Variants in CCT2 observed in about 807,000 individuals in gnomAD.
CCT2 encodes T-complex protein 1 subunit beta.
Under a neutral mutation model 61.8 loss-of-function variants are expected in CCT2, and 18 were observed. The ratio of observed to expected loss-of-function variants is 0.29; its 90% confidence interval spans 0.20 to 0.43. The LOEUF (loss-of-function observed/expected upper bound fraction) is 0.43, where lower values mean the gene tolerates loss of function less well. Among genes scored for constraint, CCT2 ranks in the 20% least tolerant of loss-of-function variants. CCT2 has a pLI of 1.00. For missense variants in CCT2, 556 were observed against 656.9 expected (o/e 0.85, Z 1.68); for synonymous variants, 248 against 215.9 (o/e 1.15, Z -1.30).
intron 6 of CCT2, chr12:69,589,132 TGC>T: frequency 8.6e-6 from 2 of 232,096 alleles, no homozygotes; most frequent in South Asian, 5.9e-5. Flanking sequence ...TTCACCATGT[TGC>T]TCAGGCTGGT....
chr12:69,594,837 C>A (rs1240181381), intron 10 of CCT2, among the ~76,000 whole-genome samples: 8 of 137,962 alleles, frequency 5.8e-5, no homozygotes, highest in African/African-American at 1.6e-4. Flanking sequence ...CAGAGCAAGA[C>A]CCTGTCTTTA....
intron 12 of CCT2, 75 bp downstream of exon 12, chr12:69,597,841 T>C: frequency 6.8e-7 from 1 of 1,476,262 alleles, no homozygotes. Flanking sequence ...GTTTTAATGG[T>C]TCTTACAGAA....
At chr12:69,585,617 C>T in intron 1 of CCT2, 93 bp downstream of exon 1, 2 of 1,547,116 alleles carry the variant, frequency 1.3e-6, no homozygotes, top group Non-Finnish European at 1.7e-6. Context: ...GTCGTAGGCT[C>T]CGTTTCTGTC....
chr12:69,596,598 A>G (rs1202082768), intron 10 of CCT2, among the ~76,000 whole-genome samples: 1 of 152,218 alleles, frequency 6.6e-6, no homozygotes. Flanking sequence ...TTTAGGCCTT[A>G]GGACATTTCA....
chr12:69,593,632 G>C lies in CCT2; in HGVS notation c.982+19G>C. On this transcript the variant is annotated intron_variant, in intron 10 of 15. Coordinates refer to ENST00000299300, the MANE Select transcript of CCT2 (RefSeq NM_006431.3). ...GTCACAGGTATGGAAAAAAGGTATT[G>C]TTTTCTAACAAACACAATAGTCACT... The C allele has an allele frequency of 1.4e-6, 2 of 1,437,202 alleles. No individual in the cohort carries two copies. Among genetic ancestry groups the C allele is most frequent in the African/African-American group, 2.8e-5 (2 of 71,318 alleles). 89.0% of individuals were successfully genotyped at this position (1,437,202 alleles called of 1,614,324 possible).
Position 69,598,352 on chromosome 12 carries a change from T to C in CCT2, c.1366T>C (p.Tyr456His), listed in dbSNP as rs1212936881. The C allele has an allele frequency of 6.2e-7, 1 of 1,603,518 alleles. No individual in the cohort carries two copies. The highest frequency in any genetic ancestry group is 1.3e-5 in the African/African-American group (1 of 74,444). ...LPTIIADNAG[Y>H]DSADLVAQLR... ...AACCATCATAGCTGACAATGCAGGC[T>C]ATGACAGTGCAGACCTGGTGGCACA... The change falls in exon 14 of 16, where the codon TAT becomes CAT. Residue 456 changes from tyrosine (Y) to histidine (H), a missense_variant. Transcript: ENST00000299300.
chr12:69,597,263 G>A lies in CCT2; in HGVS notation c.1090G>A (p.Gly364Arg). 1 of 1,613,856 alleles carries A rather than the reference G, an allele frequency of 6.2e-7. No homozygotes were observed. Among genetic ancestry groups the A allele is most frequent in the Non-Finnish European group, 8.5e-7 (1 of 1,179,850 alleles). The change falls in exon 11 of 16, where the codon GGG becomes AGG. Residue 364 changes from glycine (G) to arginine (R), a missense_variant. By Grantham distance (125) the Gly-to-Arg change is moderately radical. Transcript: ENST00000299300. Reference protein sequence around the residue: ...IGEDKLIHFSGVALGEACTIV... With the variant: ...IGEDKLIHFSRVALGEACTIV... ...AGAAGACAAACTCATTCACTTTTCTGGGGTTGCCCTTGGTGAGTGATTATG... is the reference window on the plus strand; with the variant it reads ...AGAAGACAAACTCATTCACTTTTCTAGGGTTGCCCTTGGTGAGTGATTATG...
chr12:69,588,737 A>G (rs778678621), intron 6 of CCT2, among the ~76,000 whole-genome samples: 1 of 152,186 alleles, frequency 6.6e-6, no homozygotes, highest in Admixed American at 6.5e-5. Context: ...TTGGGTCCAA[A>G]GGTAAGTGTG....
chr12:69,587,758 G>C (rs1291380814), intron 4 of CCT2, 142 bp downstream of exon 4: 1 of 733,316 alleles, frequency 1.4e-6, no homozygotes, highest in Admixed American at 2.4e-5. Context: ...TAAAATACAA[G>C]CTTCAGGAGT....
Position 69,585,484 on chromosome 12 carries a change from G to A in CCT2, c.-38G>A. 6.4e-7 allele frequency: 1 copy of A among 1,558,662 alleles called. No homozygotes were observed. The highest frequency in any genetic ancestry group is 2.4e-5 in the East Asian group (1 of 41,734). On this transcript the variant is annotated 5_prime_UTR_variant, in exon 1 of 16. In the 5' UTR this introduces an upstream ATG that the reference lacks. Transcript: ENST00000299300. ...AGTCCGCTGGTCCCGAGCACGAGCTGTGAGGGGATTCACTTGTGTGCGGAA... is the reference window on the plus strand; with the variant it reads ...AGTCCGCTGGTCCCGAGCACGAGCTATGAGGGGATTCACTTGTGTGCGGAA...
At chr12:69,586,082 G>A (rs1345642832) in intron 1 of CCT2, 188 bp from the exon 2 acceptor site, 4 of 1,289,954 alleles carry the variant, frequency 3.1e-6, no homozygotes, top group Non-Finnish European at 3.1e-6. Context: ...AAGCCATGTC[G>A]CTCTCCTACA....
intron 1 of CCT2, chr12:69,585,787 C>A: frequency 7.2e-7 from 1 of 1,380,306 alleles, no homozygotes; most frequent in Admixed American, 3.1e-5. Context: ...GTCCGCGCCT[C>A]ACCCGGAGCG....
chr12:69,600,833 C>G (rs578080685), intron 15 of CCT2, among the ~76,000 whole-genome samples: 1 of 152,340 alleles, frequency 6.6e-6, no homozygotes, highest in East Asian at 1.9e-4. Context: ...TACAAATTTA[C>G]TAGTACCCTT....
chr12:69,594,052 T>C lies in CCT2; in HGVS notation c.982+439T>C, dbSNP rs1881915032. 3.3e-5 allele frequency among the ~76,000 whole-genome samples: 5 copies of C among 151,698 alleles called. No individual in the cohort carries two copies. In the South Asian group the frequency reaches 1.0e-3, roughly 32 times the overall value. On this transcript the variant is annotated intron_variant, in intron 10 of 15. Transcript: ENST00000299300. ...TTGGGGGGAGGCTGAGGGAAGAGAA[T>C]CGCTTGAGCCTGGGAGGCAGAGGTT...
intron 7 of CCT2, among the ~76,000 whole-genome samples, chr12:69,591,674 A>G (rs942714788): frequency 6.6e-6 from 1 of 152,216 alleles, no homozygotes. Context: ...ATATTTTTTA[A>G]GTAACCCATT....
rs777891653 is a variant in CCT2 at position 69,593,625 on chromosome 12, A to T, written c.982+12A>T. 6.5e-7 allele frequency: 1 copy of T among 1,533,416 alleles called. No individual in the cohort carries two copies. The highest frequency in any genetic ancestry group is 2.3e-5 in the East Asian group (1 of 44,374). The allele number at this position is 1,533,416 out of a possible 1,614,324, so 95.0% of individuals were successfully genotyped here. A position where few individuals can be genotyped will look rare whatever the true frequency, so the allele number is the denominator to read the frequency against. ...AGCTCTTGTCACAGGTATGGAAAAA[A>T]GGTATTGTTTTCTAACAAACACAAT... On this transcript the variant is annotated intron_variant, in intron 10 of 15. Transcript: ENST00000299300.
chr12:69,588,272 G>C lies in CCT2; in HGVS notation c.446+10G>C. 1 of 1,556,230 alleles carries C rather than the reference G, an allele frequency of 6.4e-7. No homozygotes were observed. Among genetic ancestry groups the C allele is most frequent in the Non-Finnish European group, 8.9e-7 (1 of 1,127,268 alleles). Reference sequence around the variant, plus strand: ...CTGCAGTTGATCATGGGTTTGTATAGCAAAGTACTACTGTTCTAAACATTT... The same window carrying C: ...CTGCAGTTGATCATGGGTTTGTATACCAAAGTACTACTGTTCTAAACATTT... On this transcript the variant is annotated intron_variant, in intron 6 of 15. Transcript: ENST00000299300.
Position 69,589,701 on chromosome 12 carries a change from T to A in CCT2, c.649+14T>A, listed in dbSNP as rs761786059. ...ATTTAGATGAAGGTATGTATGAATG[T>A]CAGATACAAGAAGCTTTGATTAGAT... On this transcript the variant is annotated intron_variant, in intron 7 of 15. Transcript: ENST00000299300. 6.3e-7 allele frequency: 1 copy of A among 1,596,742 alleles called. No homozygotes were observed.
In CCT2 at chr12:69,587,605, A is replaced by C. The variant is rs1242532324; in HGVS notation, c.245A>C (p.Lys82Thr). The change falls in exon 4 of 16, where the codon AAA becomes ACA. Residue 82 changes from lysine (K) to threonine (T), a missense_variant. Lys to Thr is a moderately conservative substitution (Grantham distance 78, BLOSUM62 -1). Transcript: ENST00000299300. ...KNIGVDNPAAKVLVDMSRVQD... is the reference protein window; with the variant it reads ...KNIGVDNPAATVLVDMSRVQD... ...ATTGGTGTTGACAATCCAGCAGCTA[A>C]AGTTTTAGTTGGTAAGTCTGAATAT... 6.3e-7 allele frequency: 1 copy of C among 1,599,194 alleles called. No individual in the cohort carries two copies. Among genetic ancestry groups the C allele is most frequent in the Non-Finnish European group, 8.6e-7 (1 of 1,166,482 alleles).
Sources: allele counts gnomAD v4.1 joint callset (sites outside exome capture counted in the v4.1 genomes callset), GRCh38; gene constraint gnomAD v4.1.1; transcripts MANE v1.5; gene names NCBI Gene and HGNC (gene_info 2026-07-23, HGNC 2026-07-21).